CYP2U1: variants seen among roughly 807,000 people sequenced by gnomAD.
CYP2U1 encodes cytochrome P450 family 2 subfamily U member 1.
In CYP2U1, 28 loss-of-function variants were observed where a neutral mutation model predicts 42.8. The observed-to-expected ratio is 0.65, with a 90% confidence interval of 0.48 to 0.90. The LOEUF is 0.90. CYP2U1 is among the 40% of genes least tolerant of loss of function. The probability of loss-of-function intolerance (pLI) is 0.00; values close to 1 mark genes in which losing one functional copy is unlikely to be tolerated. For synonymous variants in CYP2U1, 296 were observed against 278.9 expected, an observed-to-expected ratio of 1.06 and a Z score of -0.61; for missense variants, 642 against 693.8, an observed-to-expected ratio of 0.93 and a Z score of 0.84.
intron 4 of CYP2U1, among the ~76,000 whole-genome samples, chr4:107,949,831 A>G (rs1733847003): frequency 6.6e-6 from 1 of 152,204 alleles, no homozygotes; most frequent in Admixed American, 6.5e-5. Context: ...TCTAATCTCA[A>G]CAGTTCCTCT....
chr4:107,931,576 G>T lies in CYP2U1; in HGVS notation c.-68G>T. The stretch of plus-strand genomic sequence containing the variant: ...AGCAGAGCAGGACACTGGCGCCGCG[G>T]GTCAGGCAGCTGCGTGCGCGTCTCC... On this transcript the variant is annotated 5_prime_UTR_variant, in exon 1 of 5. Transcript: ENST00000332884. 1 of 1,217,046 alleles carries T rather than the reference G, an allele frequency of 8.2e-7. No individual in the cohort carries two copies. Among genetic ancestry groups the T allele is most frequent in the Non-Finnish European group, 1.0e-6 (1 of 977,936 alleles). The allele number at this position is 1,217,046 out of a possible 1,614,324, so 75.4% of individuals were successfully genotyped here.
At chr4:107,944,839 C>CATACATACATACATATATATATATATAT (rs1553937413) in intron 1 of CYP2U1, 131 bp from the exon 2 acceptor site, 1 of 63,220 alleles carries the variant, frequency 1.6e-5, no homozygotes, top group African/African-American at 6.5e-5. Flanking sequence ...TTTATATATA[C>CATACATACATACATATATATATATATAT]ATATATATAT....
rs560280855 is a variant in CYP2U1, at chr4:107,952,905, G to A, written c.*2482G>A. ...TTCCGTATAGATAAATGAAATACAGGCTAATCTTTAGGTGTCTTAGGAATT... is the reference window on the plus strand; with the variant it reads ...TTCCGTATAGATAAATGAAATACAGACTAATCTTTAGGTGTCTTAGGAATT... On this transcript the variant is annotated 3_prime_UTR_variant, in exon 5 of 5. Transcript: ENST00000332884. 1 of 152,208 alleles carries A rather than the reference G, an allele frequency of 6.6e-6. No homozygotes were observed. The highest frequency in any genetic ancestry group is 1.9e-4 in the East Asian group (1 of 5,180). The allele number at this position is 152,208 out of a possible 1,614,324, so 9.4% of individuals were successfully genotyped here.
chr4:107,939,884 G>A (rs1458834702), intron 1 of CYP2U1, among the ~76,000 whole-genome samples: 1 of 152,072 alleles, frequency 6.6e-6, no homozygotes, highest in African/African-American at 2.4e-5. Context: ...ATGAAAAGTT[G>A]CTTCTAGACA....
chr4:107,932,019 C>G lies in CYP2U1; in HGVS notation c.376C>G (p.Leu126Val), dbSNP rs942947151. 3.8e-6 allele frequency: 6 copies of G among 1,562,758 alleles called. No homozygotes were observed. Among genetic ancestry groups the G allele is most frequent in the Non-Finnish European group, 8.7e-7 (1 of 1,154,026 alleles). Residue 126 changes from leucine (L) to valine (V), a missense_variant, in exon 1 of 5, where the codon CTG (leucine) becomes GTG (valine). Leu to Val is a conservative substitution (Grantham distance 32, BLOSUM62 1). Transcript: ENST00000332884. ...CTTCAGCTTCTTTATCGGCCACTAC[C>G]TGGTGGTGGTCCTCAGCGACTTCCA... ...SIFSFFIGHY[L>V]VVVLSDFHSV... is the part of the protein sequence containing the mutation.
rs1322454205 is a variant in CYP2U1 at position 107,932,140 on chromosome 4, G to A, written c.490+7G>A. 5.6e-6 allele frequency: 9 copies of A among 1,599,186 alleles called. No individual in the cohort carries two copies. In the East Asian group the frequency reaches 1.6e-4, roughly 28 times the overall value. ...ATCGTGACCAAGGAGAAGGGTGAGC[G>A]GGAGGTCGTGGGCTGTGGGTACGCG... On this transcript the variant is annotated splice_region_variant and intron_variant, in intron 1 of 4. Transcript: ENST00000332884.
chr4:107,947,078 TC>T (rs1418036272), intron 2 of CYP2U1, among the ~76,000 whole-genome samples: 1 of 152,160 alleles, frequency 6.6e-6, no homozygotes, highest in African/African-American at 2.4e-5. Context: ...AGAGAGTCAA[TC>T]CCATGTTCAT....
rs1054698147 is a variant in CYP2U1 at position 107,951,111 on chromosome 4, A to G, written c.*688A>G. On this transcript the variant is annotated 3_prime_UTR_variant, in exon 5 of 5. Transcript: ENST00000332884. ...CTCTGTCGTGTATATTGAGGAAAAA[A>G]GAAATTATAATTTTAAAAAATCCCT... The G allele has an allele frequency of 1.3e-5, 2 of 152,222 alleles. No individual in the cohort carries two copies. Among genetic ancestry groups the G allele is most frequent in the African/African-American group, 2.4e-5 (1 of 41,452 alleles). 9.4% of individuals were successfully genotyped at this position (152,222 alleles called of 1,614,324 possible). A position where few individuals can be genotyped will look rare whatever the true frequency, so the allele number is the denominator to read the frequency against.
At chr4:107,938,088 TC>T (rs1560696964) in intron 1 of CYP2U1, 1 of 152,210 alleles carries the variant, frequency 6.6e-6, no homozygotes, top group Non-Finnish European at 1.5e-5. Context: ...ATTCCTTTTT[TC>T]TGACCTCAGT....
chr4:107,932,680 G>A lies in CYP2U1; in HGVS notation c.490+547G>A, dbSNP rs185111686. Among the ~76,000 whole-genome samples the A allele has an allele frequency of 2.2e-3, 337 of 152,246 alleles. 6 individuals are homozygous for A. Among genetic ancestry groups the A allele is most frequent in the Non-Finnish European group, 2.8e-4 (19 of 68,016 alleles). On this transcript the variant is annotated intron_variant, in intron 1 of 4. Coordinates refer to ENST00000332884, the MANE Select transcript of CYP2U1 (RefSeq NM_183075.3). ...GGGAGTCTAAATTGGACATTTTTGG[G>A]GGTTGGAAAACGTGTTATCTGCTGC...
At chr4:107,944,366 G>A (rs1329064237) in intron 1 of CYP2U1, among the ~76,000 whole-genome samples, 1 of 152,042 alleles carries the variant, frequency 6.6e-6, no homozygotes, top group Non-Finnish European at 1.5e-5. Flanking sequence ...GCAGTGGCAT[G>A]ATCATAGTGG....
At position 107,931,920 on chromosome 4, in the gene CYP2U1, G is replaced by T. The variant is rs1733000419; in HGVS notation, c.277G>T (p.Ala93Ser). ...GAGCTGGCTGAGCAGCAGGACCAGG[G>T]CCGCAGGGATTGATCCCTCGGTCAT... ...RRSWLSSRTR[A>S]AGIDPSVIGP... is the part of the protein sequence containing the mutation. The change falls in exon 1 of 5, where the codon GCC becomes TCC. Residue 93 changes from alanine to serine, a missense_variant. Transcript: ENST00000332884. 1 of 1,551,004 alleles carries T rather than the reference G, an allele frequency of 6.4e-7. No homozygotes were observed. Among genetic ancestry groups the T allele is most frequent in the South Asian group, 1.2e-5 (1 of 84,068 alleles).
At chr4:107,945,734 T>G (rs1158409841) in intron 2 of CYP2U1, 129 bp downstream of exon 2, 1 of 1,215,274 alleles carries the variant, frequency 8.2e-7, no homozygotes, top group Non-Finnish European at 1.1e-6. Flanking sequence ...TACTTGCAAC[T>G]CATAGGGAGT....
In CYP2U1 at chr4:107,951,100, T is replaced by A. The variant is rs1243762244; in HGVS notation, c.*677T>A. ...GATGAAGTGGACTCTGTCGTGTATA[T>A]TGAGGAAAAAAGAAATTATAATTTT... On this transcript the variant is annotated 3_prime_UTR_variant, in exon 5 of 5. Transcript: ENST00000332884. The A allele has an allele frequency of 6.6e-6, 1 of 152,156 alleles. No homozygotes were observed. Among genetic ancestry groups the A allele is most frequent in the African/African-American group, 2.4e-5 (1 of 41,404 alleles). The allele number at this position is 152,156 out of a possible 1,614,324, so 9.4% of individuals were successfully genotyped here.
chr4:107,944,886 A>ATACAGAATGC, intron 1 of CYP2U1, 84 bp from the exon 2 acceptor site: 1 of 1,230,614 alleles, frequency 8.1e-7, no homozygotes. Context: ...GACTTGAAAA[A>ATACAGAATGC]TACAGAATGC....
Position 107,932,020 on chromosome 4 carries a change from T to A in CYP2U1, c.377T>A (p.Leu126Gln). ...TTCAGCTTCTTTATCGGCCACTACC[T>A]GGTGGTGGTCCTCAGCGACTTCCAC... Reference protein sequence around the residue: ...SIFSFFIGHYLVVVLSDFHSV... With the variant: ...SIFSFFIGHYQVVVLSDFHSV... Residue 126 changes from leucine (L) to glutamine (Q), a missense_variant, in exon 1 of 5, where the codon CTG becomes CAG. Coordinates refer to ENST00000332884, the MANE Select transcript of CYP2U1 (RefSeq NM_183075.3). 1 of 1,563,322 alleles carries A rather than the reference T, an allele frequency of 6.4e-7. No individual in the cohort carries two copies. The highest frequency in any genetic ancestry group is 8.7e-7 in the Non-Finnish European group (1 of 1,154,286).
chr4:107,932,679 G>C (rs9995847), intron 1 of CYP2U1, among the ~76,000 whole-genome samples: 25,918 of 152,132 alleles, frequency 0.17, 2,424 homozygotes, highest in Non-Finnish European at 0.21. Flanking sequence ...GACATTTTTG[G>C]GGGTTGGAAA....
At chr4:107,942,235 A>G (rs1190492744) in intron 1 of CYP2U1, among the ~76,000 whole-genome samples, 1 of 152,194 alleles carries the variant, frequency 6.6e-6, no homozygotes, top group Non-Finnish European at 1.5e-5. Flanking sequence ...GGTGAACCCA[A>G]GCCCTCCCAG....
rs1560704901 is a variant in CYP2U1, at chr4:107,950,758, A to T, written c.*335A>T. 5.1e-6 allele frequency: 1 copy of T among 194,326 alleles called. No homozygotes were observed. Among genetic ancestry groups the T allele is most frequent in the Non-Finnish European group, 1.1e-5 (1 of 95,140 alleles). The allele number at this position is 194,326 out of a possible 1,614,324, so 12.0% of individuals were successfully genotyped here. A position where few individuals can be genotyped will look rare whatever the true frequency, so the allele number is the denominator to read the frequency against. ...TCAGACATCCCATATGTAAAATGAG[A>T]GTAATAAAACTTGGCTTCTCTCTAC... On this transcript the variant is annotated 3_prime_UTR_variant, in exon 5 of 5. Transcript: ENST00000332884.
Sources: allele counts gnomAD v4.1 joint callset (sites outside exome capture counted in the v4.1 genomes callset), GRCh38; gene constraint gnomAD v4.1.1; transcripts MANE v1.5; gene names NCBI Gene and HGNC (gene_info 2026-07-23, HGNC 2026-07-21).